Variants in PLXDC2 observed in about 807,000 individuals in gnomAD.
PLXDC2 encodes plexin domain containing 2.
PLXDC2 carries 40 observed loss-of-function variants against 68.9 expected under a neutral mutation model. That is an observed-to-expected ratio of 0.58 (90% CI 0.45 to 0.76). PLXDC2 has a LOEUF of 0.76. PLXDC2 is among the 30% of genes least tolerant of loss of function. The probability of loss-of-function intolerance (pLI) is 0.00; values close to 1 mark genes in which losing one functional copy is unlikely to be tolerated. For missense variants in PLXDC2, 644 were observed against 661.9 expected (o/e 0.97, Z 0.30); for synonymous variants, 243 against 234.2 (o/e 1.04, Z -0.34).
chr10:20,276,382 G>A (rs1032115011), intron 13 of PLXDC2, among the ~76,000 whole-genome samples: 21 of 152,306 alleles, frequency 1.4e-4, no homozygotes, highest in African/African-American at 5.1e-4. Context: ...AGACCTTTGA[G>A]TCAGACCTGG....
At chr10:19,950,011 T>G (rs990556837) in intron 1 of PLXDC2, among the ~76,000 whole-genome samples, 7 of 152,152 alleles carry the variant, frequency 4.6e-5, no homozygotes, top group Non-Finnish European at 8.8e-5. Flanking sequence ...CAAAGGAACA[T>G]GCTTTAAAAT....
At chr10:20,167,659 C>T (rs185556398) in intron 7 of PLXDC2, among the ~76,000 whole-genome samples, 6 of 152,066 alleles carry the variant, frequency 3.9e-5, no homozygotes, top group African/African-American at 1.2e-4. Context: ...TACATAGAAC[C>T]CTGTTCTCAT....
At chr10:19,899,631 G>T (rs1838124872) in intron 1 of PLXDC2, among the ~76,000 whole-genome samples, 1 of 151,976 alleles carries the variant, frequency 6.6e-6, no homozygotes, top group South Asian at 2.1e-4. Context: ...GTATATATTT[G>T]GTCTGAAAGT....
rs1283732136 is a variant in PLXDC2, at chr10:20,176,984, T to A, written c.884-15T>A. 6.4e-7 allele frequency: 1 copy of A among 1,555,760 alleles called. No homozygotes were observed. The highest frequency in any genetic ancestry group is 8.8e-7 in the Non-Finnish European group (1 of 1,140,766). The stretch of plus-strand genomic sequence containing the variant: ...GGAAAGGTTAAAAATTGATTTTTTT[T>A]CCTTTTTTTTCTAGATGTTCGAAGA... On this transcript the variant is annotated splice_polypyrimidine_tract_variant and intron_variant, in intron 7 of 13. Coordinates refer to ENST00000377252, the MANE Select transcript of PLXDC2 (RefSeq NM_032812.9).
intron 1 of PLXDC2, among the ~76,000 whole-genome samples, chr10:19,846,247 T>G (rs956494934): frequency 2.0e-5 from 3 of 152,184 alleles, no homozygotes; most frequent in Admixed American, 2.0e-4. Context: ...AAAGCTGTTT[T>G]TAGGGGAGGA....
At chr10:20,270,646 G>A (rs1277876269) in intron 13 of PLXDC2, among the ~76,000 whole-genome samples, 1 of 151,978 alleles carries the variant, frequency 6.6e-6, no homozygotes, top group Non-Finnish European at 1.5e-5. Flanking sequence ...CCAGGTTCAG[G>A]TGATTCTCCT....
chr10:19,956,776 G>A (rs189377751), intron 1 of PLXDC2, among the ~76,000 whole-genome samples: 147 of 152,230 alleles, frequency 9.7e-4, no homozygotes, highest in Non-Finnish European at 1.4e-3. Context: ...ACATACTAGC[G>A]TTGTCTAAAA....
chr10:19,899,062 T>C (rs1033132832), intron 1 of PLXDC2, among the ~76,000 whole-genome samples: 6 of 152,106 alleles, frequency 3.9e-5, no homozygotes, highest in South Asian at 2.1e-4. Context: ...ATTAACCACA[T>C]GTAGAATTCA....
intron 4 of PLXDC2, among the ~76,000 whole-genome samples, chr10:20,118,057 T>A (rs953548500): frequency 6.6e-6 from 1 of 152,162 alleles, no homozygotes; most frequent in Admixed American, 6.6e-5. Flanking sequence ...GCTACATGTA[T>A]ACATATGTGT....
At chr10:20,020,177 A>ATTTTTTTTTT (rs1564659038) in intron 2 of PLXDC2, among the ~76,000 whole-genome samples, 1 of 98,186 alleles carries the variant, frequency 1.0e-5, no homozygotes, top group African/African-American at 4.4e-5. Flanking sequence ...ACACCCAGCA[A>ATTTTTTTTTT]ATTTTTTTTT....
At chr10:20,258,529 G>C (rs1325669045) in intron 13 of PLXDC2, among the ~76,000 whole-genome samples, 1 of 151,992 alleles carries the variant, frequency 6.6e-6, no homozygotes, top group African/African-American at 2.4e-5. Context: ...TATTTTATTA[G>C]AATCTGTGAT....
intron 4 of PLXDC2, among the ~76,000 whole-genome samples, chr10:20,125,476 C>T (rs912766483): frequency 1.1e-4 from 16 of 152,158 alleles, no homozygotes; most frequent in African/African-American, 1.4e-4. Context: ...ATCACCTTGG[C>T]GGACCAGACT....
At chr10:19,837,230 A>G (rs566704150) in intron 1 of PLXDC2, among the ~76,000 whole-genome samples, 1 of 152,250 alleles carries the variant, frequency 6.6e-6, no homozygotes, top group South Asian at 2.1e-4. Flanking sequence ...AAAGAAATGA[A>G]GTGAAATATC....
intron 4 of PLXDC2, among the ~76,000 whole-genome samples, chr10:20,083,066 G>C (rs1341191340): frequency 6.6e-6 from 1 of 152,108 alleles, no homozygotes; most frequent in Admixed American, 6.5e-5. Context: ...AAAATCTCTA[G>C]ACAGATATAC....
chr10:19,925,956 A>G (rs1564630538), intron 1 of PLXDC2, among the ~76,000 whole-genome samples: 1 of 152,222 alleles, frequency 6.6e-6, no homozygotes, highest in South Asian at 2.1e-4. Context: ...ATCCGCTGGC[A>G]TTAGAGAGCT....
chr10:19,985,917 T>G (rs1012606822), intron 1 of PLXDC2, among the ~76,000 whole-genome samples: 2 of 152,200 alleles, frequency 1.3e-5, no homozygotes, highest in African/African-American at 2.4e-5. Flanking sequence ...TCCCTCCTTG[T>G]GTCAGACCAC....
At chr10:20,149,096 G>T (rs1834116201) in intron 6 of PLXDC2, among the ~76,000 whole-genome samples, 1 of 151,728 alleles carries the variant, frequency 6.6e-6, no homozygotes, top group Non-Finnish European at 1.5e-5. Flanking sequence ...TTTATTTCAG[G>T]TTCAGGAGTA....
At chr10:20,118,020 C>G (rs574696331) in intron 4 of PLXDC2, among the ~76,000 whole-genome samples, 1 of 152,016 alleles carries the variant, frequency 6.6e-6, no homozygotes, top group Non-Finnish European at 1.5e-5. Flanking sequence ...CATGCCATCT[C>G]TTTCTGTCTC....
chr10:19,864,017 T>C (rs1473991604), intron 1 of PLXDC2, among the ~76,000 whole-genome samples: 1 of 152,134 alleles, frequency 6.6e-6, no homozygotes, highest in African/African-American at 2.4e-5. Context: ...CTGGGAAGAT[T>C]AAAAAAAGTT....
Sources: allele counts gnomAD v4.1 joint callset (sites outside exome capture counted in the v4.1 genomes callset), GRCh38; gene constraint gnomAD v4.1.1; transcripts MANE v1.5; gene names NCBI Gene and HGNC (gene_info 2026-07-23, HGNC 2026-07-21).